KIAA1958: variants seen among roughly 807,000 people sequenced by gnomAD.
The protein encoded by KIAA1958 is KIAA1958, also known as uncharacterized protein KIAA1958.
A neutral mutation model predicts 47.2 loss-of-function variants in KIAA1958; 14 were observed. The observed-to-expected ratio is 0.30, with a 90% confidence interval of 0.20 to 0.46. KIAA1958 has a LOEUF of 0.46. KIAA1958 is among the 20% of genes least tolerant of loss of function. The pLI is 1.00. For missense variants in KIAA1958, 803 were observed against 909.2 expected, an observed-to-expected ratio of 0.88 and a Z score of 1.50; for synonymous variants, 354 against 353.3, an observed-to-expected ratio of 1.00 and a Z score of -0.02.
chr9:112,626,158 G>C (rs1454404064), intron 2 of KIAA1958, among the ~76,000 whole-genome samples: 2 of 152,090 alleles, frequency 1.3e-5, no homozygotes, highest in South Asian at 2.1e-4. Flanking sequence ...GGGAAAAATG[G>C]TAACTAAGGA....
At chr9:112,567,696 C>T (rs555103354) in intron 1 of KIAA1958, among the ~76,000 whole-genome samples, 5 of 151,974 alleles carry the variant, frequency 3.3e-5, no homozygotes, top group Admixed American at 6.6e-5. Context: ...TGGTGGCTGA[C>T]ACCTGTAATC....
At chr9:112,621,740 G>A (rs1836511605) in intron 2 of KIAA1958, among the ~76,000 whole-genome samples, 1 of 150,034 alleles carries the variant, frequency 6.7e-6, no homozygotes, top group Non-Finnish European at 1.5e-5. Flanking sequence ...TACAGTATCA[G>A]TCTTTGTTTG....
chr9:112,593,283 T>C (rs1183045231), intron 2 of KIAA1958, among the ~76,000 whole-genome samples: 1 of 152,220 alleles, frequency 6.6e-6, no homozygotes, highest in African/African-American at 2.4e-5. Flanking sequence ...AGGTTCTGAA[T>C]ATACATCAGT....
chr9:112,519,212 A>G (rs145592649), intron 1 of KIAA1958, among the ~76,000 whole-genome samples: 1 of 152,280 alleles, frequency 6.6e-6, no homozygotes, highest in Non-Finnish European at 1.5e-5. Flanking sequence ...CCAAAGTGTT[A>G]GGATTACAGA....
At chr9:112,645,152 T>G (rs563026089) in intron 2 of KIAA1958, among the ~76,000 whole-genome samples, 2 of 145,246 alleles carry the variant, frequency 1.4e-5, no homozygotes, top group East Asian at 4.0e-4. Context: ...AAAAAAAAAA[T>G]GCTAACACCA....
In KIAA1958 at chr9:112,574,501, G is replaced by A; in HGVS notation, c.421G>A (p.Glu141Lys). ...LDETVEEYEDENTLFDMVCES... is the reference protein window; with the variant it reads ...LDETVEEYEDKNTLFDMVCES... ...TGAAACTGTTGAAGAATATGAAGAT[G>A]AGAACACCCTGTTTGACATGGTTTG... Residue 141 changes from glutamate (E) to lysine (K), a missense_variant, in exon 2 of 4, where the codon GAG becomes AAG. Around this residue, in one of 2 missense-constraint regions of KIAA1958, gnomAD observed 761 missense variants for 829.3 expected, o/e 0.92. Coordinates refer to ENST00000337530, the MANE Select transcript of KIAA1958 (RefSeq NM_133465.4). 3 of 1,614,120 alleles carry A rather than the reference G, an allele frequency of 1.9e-6. No homozygotes were observed. Among genetic ancestry groups the A allele is most frequent in the Non-Finnish European group, 1.7e-6 (2 of 1,180,022 alleles).
intron 1 of KIAA1958, among the ~76,000 whole-genome samples, chr9:112,521,117 C>T (rs547300576): frequency 3.3e-5 from 5 of 152,096 alleles, no homozygotes; most frequent in Admixed American, 3.3e-4. Context: ...GCATGTAAGA[C>T]AATCCGTCTT....
intron 2 of KIAA1958, chr9:112,617,839 C>T (rs777323066): frequency 1.3e-6 from 2 of 1,507,928 alleles, no homozygotes; most frequent in Non-Finnish European, 8.9e-7. Flanking sequence ...CATCAACACC[C>T]TCTCTATCCC....
At chr9:112,594,395 C>G (rs1230885028) in intron 2 of KIAA1958, among the ~76,000 whole-genome samples, 2 of 152,060 alleles carry the variant, frequency 1.3e-5, no homozygotes, top group African/African-American at 4.8e-5. Context: ...ATTTCATTAC[C>G]CCATTGCCTC....
chr9:112,579,498 G>C (rs987498459), intron 2 of KIAA1958, among the ~76,000 whole-genome samples: 1 of 151,942 alleles, frequency 6.6e-6, no homozygotes, highest in Admixed American at 6.6e-5. Flanking sequence ...AGCTTCATTT[G>C]TTGAATAATT....
In KIAA1958 at chr9:112,666,781, T is replaced by C. The variant is rs1359180870; in HGVS notation, c.*6712T>C. 1 of 152,216 alleles carries C rather than the reference T, an allele frequency of 6.6e-6. No individual in the cohort carries two copies. Among genetic ancestry groups the C allele is most frequent in the African/African-American group, 2.4e-5 (1 of 41,448 alleles). 9.4% of individuals were successfully genotyped at this position (152,216 alleles called of 1,614,324 possible). A position where few individuals can be genotyped will look rare whatever the true frequency, so the allele number is the denominator to read the frequency against. On this transcript the variant is annotated 3_prime_UTR_variant, in exon 4 of 4. Transcript: ENST00000337530. ...CTCTTCCCCAATCATGCCTGTCACC[T>C]TACTCGGAGTCAGAGCTCCTGAGCC... is the stretch of plus-strand genomic sequence containing the variant.
intron 1 of KIAA1958, among the ~76,000 whole-genome samples, chr9:112,554,365 G>A (rs1406894889): frequency 6.6e-6 from 1 of 152,068 alleles, no homozygotes. Context: ...GGGCATGGTG[G>A]TGTGCGCCTG....
rs566786203 is a variant in KIAA1958 at position 112,487,999 on chromosome 9, GT to G, written c.-25+887del. ...TTTTGAAGTTTAGGAGTAAAGTTTT[GT>G]TTTTTCCCGAACTCGTTAGGATTCG... On this transcript the variant is annotated intron_variant, in intron 1 of 3. Transcript: ENST00000337530. 1.6e-3 allele frequency among the ~76,000 whole-genome samples: 247 copies of G among 150,176 alleles called. 1 individual carries two copies. Among genetic ancestry groups the G allele is most frequent in the African/African-American group, 5.9e-3 (242 of 40,860 alleles).
Position 112,605,708 on chromosome 9 carries a change from A to G in KIAA1958, c.1171+30457A>G, listed in dbSNP as rs7018701. 5.0e-3 allele frequency among the ~76,000 whole-genome samples: 756 copies of G among 151,980 alleles called. 5 individuals are homozygous for G. The highest frequency in any genetic ancestry group is 0.016 in the African/African-American group (660 of 41,426). On this transcript the variant is annotated intron_variant, in intron 2 of 3. Transcript: ENST00000337530. ...GTCACTTCACTCCAGGCACAGTGATACTCTTTCAGTTTCTCAAATTTTGTT... is the reference window on the plus strand; with the variant it reads ...GTCACTTCACTCCAGGCACAGTGATGCTCTTTCAGTTTCTCAAATTTTGTT...
rs1432418590 is a variant in KIAA1958 at position 112,545,828 on chromosome 9, T to TTTTTG, written c.-24-28225_-24-28224insGTTTT. 1.1e-3 allele frequency among the ~76,000 whole-genome samples: 170 copies of TTTTTG among 148,514 alleles called. 2 individuals are homozygous for TTTTTG. The highest frequency in any genetic ancestry group is 4.1e-3 in the African/African-American group (164 of 40,266). ...TTAGTGATACACAGGTTTCTTTGTT[T>TTTTTG]TTTTTTTTTTTTTTTTTTAGTGAAT... On this transcript the variant is annotated intron_variant, in intron 1 of 3. Coordinates refer to ENST00000337530, the MANE Select transcript of KIAA1958 (RefSeq NM_133465.4).
At chr9:112,544,473 A>G (rs758593503) in intron 1 of KIAA1958, among the ~76,000 whole-genome samples, 16 of 152,228 alleles carry the variant, frequency 1.1e-4, no homozygotes, top group Non-Finnish European at 2.1e-4. Context: ...AGTGCTTAGA[A>G]GAGAATAGGT....
At chr9:112,520,327 G>C (rs1480319702) in intron 1 of KIAA1958, among the ~76,000 whole-genome samples, 1 of 152,124 alleles carries the variant, frequency 6.6e-6, no homozygotes, top group African/African-American at 2.4e-5. Context: ...ATAACTAGAG[G>C]CCAAATGAAA....
At chr9:112,636,541 A>G (rs1836807274) in intron 2 of KIAA1958, among the ~76,000 whole-genome samples, 1 of 152,076 alleles carries the variant, frequency 6.6e-6, no homozygotes, top group Non-Finnish European at 1.5e-5. Flanking sequence ...TGCTTTCTAT[A>G]TGTCTATAGG....
intron 1 of KIAA1958, among the ~76,000 whole-genome samples, chr9:112,515,366 C>CGG (rs1194578656): frequency 7.6e-6 from 1 of 130,940 alleles, no homozygotes; most frequent in African/African-American, 2.8e-5. Context: ...GCCCGGCCAC[C>CGG]GCCCCGTCTG....
Sources: allele counts gnomAD v4.1 joint callset (sites outside exome capture counted in the v4.1 genomes callset), GRCh38; gene constraint gnomAD v4.1.1; regional missense constraint gnomAD v4.1.1; transcripts MANE v1.5; gene names NCBI Gene and HGNC (gene_info 2026-07-23, HGNC 2026-07-21).